The following CNTN1 variants were observed in gnomAD, a reference collection of about 807,000 sequenced individuals.
CNTN1 encodes contactin-1.
In CNTN1, 38 loss-of-function variants were observed where a neutral mutation model predicts 126.4. The observed-to-expected ratio is 0.30, with a 90% CI of 0.23 to 0.39. The LOEUF (loss-of-function observed/expected upper bound fraction) is 0.39. Among genes scored for constraint, CNTN1 ranks in the 10% least tolerant of loss-of-function variants. The probability of loss-of-function intolerance (pLI) is 1.00; values close to 1 mark genes in which losing one functional copy is unlikely to be tolerated. For missense variants in CNTN1, 1,009 were observed against 1,248.4 expected, an observed-to-expected ratio of 0.81 and a Z score of 2.89; for synonymous variants, 413 against 422.6, an observed-to-expected ratio of 0.98 and a Z score of 0.28.
chr12:40,990,943 T>C (rs561448240), intron 16 of CNTN1, among the ~76,000 whole-genome samples: 2 of 152,204 alleles, frequency 1.3e-5, no homozygotes, highest in Non-Finnish European at 2.9e-5. Flanking sequence ...AACACTTTTG[T>C]ACTGTACACC....
chr12:40,936,715 T>C (rs1177153511), intron 9 of CNTN1, 66 bp from the exon 10 acceptor site: 1 of 1,583,956 alleles, frequency 6.3e-7, no homozygotes, highest in South Asian at 1.1e-5. Flanking sequence ...GTAATATTTA[T>C]ACTCTGGAGA....
At chr12:40,817,958 G>A (rs927338044) in intron 1 of CNTN1, among the ~76,000 whole-genome samples, 2 of 152,092 alleles carry the variant, frequency 1.3e-5, no homozygotes, top group African/African-American at 4.8e-5. Context: ...ATTCTGGGTT[G>A]AAAATTCTTT....
At position 40,718,552 on chromosome 12, in the gene CNTN1, A is replaced by G. The variant is rs140607288; in HGVS notation, c.-77+25960A>G. Among the ~76,000 whole-genome samples the G allele has an allele frequency of 5.6e-3, 853 of 152,300 alleles. 3 individuals carry two copies. Among genetic ancestry groups the G allele is most frequent in the Middle Eastern group, 0.031 (9 of 294 alleles). On this transcript the variant is annotated intron_variant, in intron 1 of 23. Transcript: ENST00000551295. The stretch of plus-strand genomic sequence containing the variant: ...ACTGGGGGCTGGGTTCAGTGAATTC[A>G]GTCATGCTGGTAGAGCCCACTATTT...
At chr12:40,928,739 C>T (rs12226938) in intron 6 of CNTN1, among the ~76,000 whole-genome samples, 1 of 152,046 alleles carries the variant, frequency 6.6e-6, no homozygotes, top group Non-Finnish European at 1.5e-5. Context: ...TTATGTGAAG[C>T]TTATATAATG....
chr12:40,729,772 G>A (rs1942446931), intron 1 of CNTN1: 2 of 212,676 alleles, frequency 9.4e-6, no homozygotes, highest in African/African-American at 2.3e-5. Flanking sequence ...ATGAATCCTA[G>A]CCAGAAGGTT....
rs7971744 is a variant in CNTN1 at position 41,051,171 on chromosome 12, G to A, written c.2981-18788G>A. Among the ~76,000 whole-genome samples the A allele has an allele frequency of 2.2e-3, 299 of 138,588 alleles. 1 individual carries two copies. The highest frequency in any genetic ancestry group is 8.0e-3 in the African/African-American group (285 of 35,716). The allele number at this position is 138,588 out of a possible 152,430, so 90.9% of individuals were successfully genotyped here. Reference sequence around the variant, plus strand: ...TTTTTTTTTTTTTTTTTTTTGAGACGGAGTCTTGCTCTGTCACCCAGGCTG... The same window carrying A: ...TTTTTTTTTTTTTTTTTTTTGAGACAGAGTCTTGCTCTGTCACCCAGGCTG... On this transcript the variant is annotated intron_variant, in intron 23 of 23. Transcript: ENST00000551295.
chr12:40,999,911 T>C (rs1049172438), intron 17 of CNTN1, among the ~76,000 whole-genome samples: 2 of 151,916 alleles, frequency 1.3e-5, no homozygotes, highest in Non-Finnish European at 2.9e-5. Flanking sequence ...TTTCACTGTG[T>C]TAGCCAGGGT....
intron 1 of CNTN1, among the ~76,000 whole-genome samples, chr12:40,863,104 G>T (rs1403981449): frequency 6.6e-6 from 1 of 152,074 alleles, no homozygotes; most frequent in Non-Finnish European, 1.5e-5. Context: ...GACAAAAATT[G>T]GGTTCAGGGA....
At chr12:40,788,180 C>T (rs746834781) in intron 1 of CNTN1, among the ~76,000 whole-genome samples, 1 of 152,142 alleles carries the variant, frequency 6.6e-6, no homozygotes, top group Non-Finnish European at 1.5e-5. Flanking sequence ...ATCTGCCCTG[C>T]TTCCAAATGC....
At chr12:41,024,519 C>T (rs1233949080) in intron 20 of CNTN1, among the ~76,000 whole-genome samples, 3 of 151,868 alleles carry the variant, frequency 2.0e-5, no homozygotes, top group Non-Finnish European at 2.9e-5. Context: ...ATGAAAAAAT[C>T]GATAACTTTT....
intron 1 of CNTN1, among the ~76,000 whole-genome samples, chr12:40,804,676 T>C (rs1011565413): frequency 3.3e-5 from 5 of 152,012 alleles, no homozygotes; most frequent in Non-Finnish European, 7.4e-5. Flanking sequence ...TTCAGAATTT[T>C]ATCTCAGGGT....
chr12:41,005,672 T>G (rs940465997), intron 17 of CNTN1, among the ~76,000 whole-genome samples: 1 of 152,208 alleles, frequency 6.6e-6, no homozygotes, highest in African/African-American at 2.4e-5. Context: ...AAAGCCAGTC[T>G]TCAAGCTCTG....
chr12:40,949,569 C>CTTTTTTT (rs36070275), intron 14 of CNTN1, among the ~76,000 whole-genome samples: 3 of 64,308 alleles, frequency 4.7e-5, no homozygotes, highest in African/African-American at 1.3e-4. Flanking sequence ...TCTTTTCTTT[C>CTTTTTTT]TTTTTTTTTT....
chr12:40,709,047 G>A (rs1455828058), intron 1 of CNTN1, among the ~76,000 whole-genome samples: 2 of 152,050 alleles, frequency 1.3e-5, no homozygotes, highest in Non-Finnish European at 2.9e-5. Context: ...ATTTTTAACT[G>A]ATTTTTTCCC....
Position 40,908,481 on chromosome 12 carries a change from A to G in CNTN1, c.49A>G (p.Thr17Ala). 1 of 1,607,306 alleles carries G rather than the reference A, an allele frequency of 6.2e-7. No individual in the cohort carries two copies. The highest frequency in any genetic ancestry group is 8.5e-7 in the Non-Finnish European group (1 of 1,174,694). The change falls in exon 2 of 24, where the codon ACC becomes GCC. Residue 17 changes from threonine to alanine, a missense_variant. Thr to Ala is a moderately conservative substitution (Grantham distance 58). Coordinates refer to ENST00000551295, the MANE Select transcript of CNTN1 (RefSeq NM_001843.4). ...VSHLVIISITTCLAEFTWYRR... is the reference protein window; with the variant it reads ...VSHLVIISITACLAEFTWYRR... ...TCATCTTGTGATAATATCTATTACTACCTGTTTAGCAGGTAAGAAATATCC... is the reference window on the plus strand; with the variant it reads ...TCATCTTGTGATAATATCTATTACTGCCTGTTTAGCAGGTAAGAAATATCC...
intron 23 of CNTN1, among the ~76,000 whole-genome samples, chr12:41,065,671 G>A (rs190568856): frequency 9.8e-5 from 15 of 152,306 alleles, no homozygotes; most frequent in Non-Finnish European, 1.6e-4. Flanking sequence ...TGAGGGGAGT[G>A]CAGTCCAGCA....
intron 1 of CNTN1, among the ~76,000 whole-genome samples, chr12:40,818,457 T>C (rs1374228916): frequency 6.6e-6 from 1 of 152,170 alleles, no homozygotes; most frequent in Non-Finnish European, 1.5e-5. Context: ...GCTTTGTCAA[T>C]TCTTCTGTTT....
chr12:40,900,613 A>G (rs1222106692), intron 1 of CNTN1, among the ~76,000 whole-genome samples: 2 of 152,230 alleles, frequency 1.3e-5, no homozygotes, highest in Non-Finnish European at 2.9e-5. Context: ...AATAATGAAC[A>G]AATCAAGTGA....
chr12:40,740,126 AAAGGG>A (rs1937873202), intron 1 of CNTN1, among the ~76,000 whole-genome samples: 1 of 152,118 alleles, frequency 6.6e-6, no homozygotes, highest in African/African-American at 2.4e-5. Flanking sequence ...GATGAAAAAT[AAAGGG>A]TAGATAACTC....
Sources: allele counts gnomAD v4.1 joint callset (sites outside exome capture counted in the v4.1 genomes callset), GRCh38; gene constraint gnomAD v4.1.1; transcripts MANE v1.5; gene names NCBI Gene and HGNC (gene_info 2026-07-23, HGNC 2026-07-21).